HBS1L: variants seen among roughly 807,000 people sequenced by gnomAD.
The protein encoded by HBS1L is HBS1-like protein.
A neutral mutation model predicts 88.9 loss-of-function variants in HBS1L; 55 were observed. The observed-to-expected ratio is 0.62, with a 90% confidence interval of 0.50 to 0.77. HBS1L has a LOEUF of 0.77. HBS1L is among the 30% of genes least tolerant of loss of function. The pLI, the probability that HBS1L is intolerant of heterozygous loss-of-function variation, is 0.00. For missense variants in HBS1L, 741 were observed against 829.3 expected (o/e 0.89, Z 1.31); for synonymous variants, 267 against 288.5 (o/e 0.93, Z 0.76).
At chr6:135,045,121 C>A (rs1408948148) in intron 2 of HBS1L, among the ~76,000 whole-genome samples, 1 of 151,502 alleles carries the variant, frequency 6.6e-6, no homozygotes, top group African/African-American at 2.4e-5. Context: ...GCAAAAGTAA[C>A]CGCAGGTCTT....
At chr6:135,013,177 T>C (rs1250976707) in intron 4 of HBS1L, among the ~76,000 whole-genome samples, 4 of 152,182 alleles carry the variant, frequency 2.6e-5, no homozygotes, top group African/African-American at 9.7e-5. Flanking sequence ...CATAAAATAA[T>C]AGTATCTGCC....
chr6:135,019,363 A>T (rs1360443570), intron 4 of HBS1L, among the ~76,000 whole-genome samples: 1 of 152,012 alleles, frequency 6.6e-6, no homozygotes, highest in Non-Finnish European at 1.5e-5. Flanking sequence ...TAAAAATTTC[A>T]TAGTATGCAT....
At chr6:134,980,822 G>A (rs1774808446) in intron 13 of HBS1L, among the ~76,000 whole-genome samples, 1 of 151,598 alleles carries the variant, frequency 6.6e-6, no homozygotes, top group Non-Finnish European at 1.5e-5. Context: ...CTTTCTTTTG[G>A]GACAGTACTG....
chr6:135,043,044 T>C (rs1480076152), intron 2 of HBS1L, among the ~76,000 whole-genome samples: 2 of 152,174 alleles, frequency 1.3e-5, no homozygotes, highest in Non-Finnish European at 2.9e-5. Flanking sequence ...ACTCAATATA[T>C]AACTGGGTAT....
chr6:134,971,765 A>G (rs953545202), intron 15 of HBS1L, among the ~76,000 whole-genome samples: 10 of 152,190 alleles, frequency 6.6e-5, no homozygotes, highest in Non-Finnish European at 2.9e-5. Flanking sequence ...AGTAAAGGTA[A>G]TGAATAAGGA....
chr6:135,048,721 T>C (rs1213976629), intron 2 of HBS1L, among the ~76,000 whole-genome samples: 1 of 152,254 alleles, frequency 6.6e-6, no homozygotes, highest in Non-Finnish European at 1.5e-5. Flanking sequence ...ACTTTTGATG[T>C]TAAATGTTCT....
At position 134,964,557 on chromosome 6, in the gene HBS1L, A is replaced by C. The variant is rs1320257181; in HGVS notation, c.*722T>G. ...AACTCTTAGGTGAAAAAGATCCCAC[A>C]AAACCCCTAAATCATATTTACTGTT... On this transcript the variant is annotated 3_prime_UTR_variant, in exon 18 of 18. Coordinates refer to ENST00000367837, the MANE Select transcript of HBS1L (RefSeq NM_006620.4). 2 of 152,228 alleles carry C rather than the reference A, an allele frequency of 1.3e-5. No individual in the cohort carries two copies. Among genetic ancestry groups the C allele is most frequent in the East Asian group, 3.8e-4 (2 of 5,208 alleles). 9.4% of individuals were successfully genotyped at this position (152,228 alleles called of 1,614,324 possible).
intron 7 of HBS1L, among the ~76,000 whole-genome samples, chr6:134,995,892 T>C (rs1361651032): frequency 6.6e-6 from 1 of 152,096 alleles, no homozygotes; most frequent in East Asian, 1.9e-4. Context: ...TAAGGAATAC[T>C]GTGACCTGCT....
At position 135,039,741 on chromosome 6, in the gene HBS1L, T is replaced by C. The variant is rs1234581741; in HGVS notation, c.262A>G (p.Met88Val). 6 of 1,613,554 alleles carry C rather than the reference T, an allele frequency of 3.7e-6. No individual in the cohort carries two copies. Among genetic ancestry groups the C allele is most frequent in the Admixed American group, 3.3e-5 (2 of 59,956 alleles). Residue 88 changes from methionine (M) to valine (V), a missense_variant, in exon 4 of 18, where the codon ATG becomes GTG. Around this residue, in one of 3 missense-constraint regions of HBS1L, gnomAD observed 556 missense variants for 598.4 expected, o/e 0.93. Coordinates refer to ENST00000367837, the MANE Select transcript of HBS1L (RefSeq NM_006620.4). ...QARLYSCLDH[M>V]REVLGDAVPD... ...ACAGCATCTCCAAGTACCTCTCTCA[T>C]GTGATCAAGGCATGAATAAAGACGA... is the stretch of plus-strand genomic sequence containing the variant.
At chr6:134,992,810 T>A (rs6925424) in intron 8 of HBS1L, among the ~76,000 whole-genome samples, 70,924 of 151,976 alleles carry the variant, frequency 0.47, 16,869 homozygotes, top group South Asian at 0.56. Context: ...AACATATTTT[T>A]AAATAAATGT....
At chr6:135,052,609 C>T (rs1190487174) in intron 1 of HBS1L, among the ~76,000 whole-genome samples, 7 of 150,742 alleles carry the variant, frequency 4.6e-5, no homozygotes, top group Middle Eastern at 3.5e-3. Context: ...AGAAAAAAAA[C>T]TCTTTTTTAC....
At chr6:135,006,599 A>ACAGAGC (rs1259476005) in intron 4 of HBS1L, among the ~76,000 whole-genome samples, 1 of 152,190 alleles carries the variant, frequency 6.6e-6, no homozygotes, top group Non-Finnish European at 1.5e-5. Flanking sequence ...GAAAGGAAGG[A>ACAGAGC]CAGAGCCTCA....
intron 16 of HBS1L, among the ~76,000 whole-genome samples, chr6:134,967,668 T>C (rs1285715653): frequency 1.3e-5 from 2 of 152,184 alleles, no homozygotes; most frequent in East Asian, 3.8e-4. Context: ...GATGAGCCAA[T>C]TTCAGACTGA....
intron 4 of HBS1L, among the ~76,000 whole-genome samples, chr6:135,015,489 C>G (rs538303169): frequency 1.3e-5 from 2 of 152,242 alleles, no homozygotes; most frequent in East Asian, 3.9e-4. Context: ...GTGGTATTCC[C>G]AAGGTAACTG....
At chr6:135,028,654 A>T (rs987097932) in intron 4 of HBS1L, among the ~76,000 whole-genome samples, 1 of 152,194 alleles carries the variant, frequency 6.6e-6, no homozygotes, top group East Asian at 1.9e-4. Flanking sequence ...CTTAAATGTT[A>T]GCAAATAAAA....
chr6:135,004,486 G>A (rs1378955461), intron 4 of HBS1L, among the ~76,000 whole-genome samples: 1 of 148,088 alleles, frequency 6.8e-6, no homozygotes, highest in African/African-American at 2.5e-5. Flanking sequence ...TCCTGTAGGA[G>A]GAAGCACAGT....
chr6:135,054,156 C>T (rs1052677644), intron 1 of HBS1L, among the ~76,000 whole-genome samples: 5 of 152,242 alleles, frequency 3.3e-5, no homozygotes, highest in African/African-American at 1.2e-4. Flanking sequence ...TGATTCTGCA[C>T]TAGGTATGTA....
chr6:134,964,416 C>G lies in HBS1L; in HGVS notation c.*863G>C, dbSNP rs959121607. ...GTAAGCAAGATAAAGAAAGGGCCAT[C>G]ATAGGTATAATTCTAAAAGTGAGAA... On this transcript the variant is annotated 3_prime_UTR_variant, in exon 18 of 18. Transcript: ENST00000367837. 6.6e-6 allele frequency: 1 copy of G among 152,026 alleles called. No homozygotes were observed. The highest frequency in any genetic ancestry group is 1.5e-5 in the Non-Finnish European group (1 of 68,012). The allele number at this position is 152,026 out of a possible 1,614,324, so 9.4% of individuals were successfully genotyped here. A position where few individuals can be genotyped will look rare whatever the true frequency, so the allele number is the denominator to read the frequency against.
chr6:134,985,639 G>T (rs1468036540), intron 11 of HBS1L, among the ~76,000 whole-genome samples: 1 of 151,996 alleles, frequency 6.6e-6, no homozygotes, highest in Non-Finnish European at 1.5e-5. Flanking sequence ...AATGCTCAAA[G>T]GAAATGCTCA....
Sources: gnomAD v4.1 joint callset for allele counts (sites outside exome capture counted in the v4.1 genomes callset) on GRCh38, gnomAD v4.1.1 for gene constraint, gnomAD v4.1.1 regional missense constraint, MANE v1.5 for transcripts, NCBI Gene and HGNC (gene_info 2026-07-23, HGNC 2026-07-21) for gene names.